Variants in ASTN2 observed in about 807,000 individuals in gnomAD.
ASTN2 encodes astrotactin-2.
In ASTN2, 54 loss-of-function variants were observed where a neutral mutation model predicts 139.8. The ratio of observed to expected loss-of-function variants is 0.39; its 90% CI spans 0.31 to 0.48. The LOEUF is 0.48. Ranked by LOEUF, ASTN2 falls within the 20% of genes least tolerant of loss-of-function variation. The pLI is 0.95. For missense variants in ASTN2, 1,565 were observed against 1,725.1 expected (o/e 0.91, Z 1.64); for synonymous variants, 756 against 719.5 (o/e 1.05, Z -0.81).
intron 20 of ASTN2, among the ~76,000 whole-genome samples, chr9:116,473,673 G>A (rs535149723): frequency 1.7e-4 from 26 of 152,164 alleles, no homozygotes; most frequent in Non-Finnish European, 3.5e-4. Context: ...CAAGGCAGAC[G>A]GATCACCTGA....
At chr9:116,505,089 C>T (rs1319644935) in intron 19 of ASTN2, among the ~76,000 whole-genome samples, 2 of 151,874 alleles carry the variant, frequency 1.3e-5, no homozygotes, top group Non-Finnish European at 2.9e-5. Flanking sequence ...TTCACATCCT[C>T]TAAAAGTGAC....
chr9:116,841,749 A>T (rs1832267614), intron 11 of ASTN2, among the ~76,000 whole-genome samples: 1 of 152,150 alleles, frequency 6.6e-6, no homozygotes, highest in Admixed American at 6.5e-5. Flanking sequence ...TTGTGAGAGG[A>T]TCCCAGGAGG....
intron 4 of ASTN2, among the ~76,000 whole-genome samples, chr9:117,106,190 C>G (rs554687514): frequency 1.6e-3 from 248 of 152,200 alleles, no homozygotes; most frequent in African/African-American, 5.6e-3. Context: ...TATGTGCCCA[C>G]TCACAATCTT....
chr9:117,241,840 T>C (rs768651769), intron 2 of ASTN2, among the ~76,000 whole-genome samples: 3 of 151,898 alleles, frequency 2.0e-5, no homozygotes, highest in African/African-American at 7.3e-5. Flanking sequence ...AGAGAACATG[T>C]GATCCTTCTA....
intron 3 of ASTN2, 81 bp downstream of exon 3, chr9:117,214,268 GCCTGTAGTC>G: frequency 6.9e-7 from 1 of 1,448,672 alleles, no homozygotes; most frequent in Non-Finnish European, 9.3e-7. Flanking sequence ...AGAAAACACT[GCCTGTAGTC>G]CCCAACTGCC....
intron 19 of ASTN2, among the ~76,000 whole-genome samples, chr9:116,573,539 A>C (rs1853607489): frequency 6.6e-6 from 1 of 152,232 alleles, no homozygotes; most frequent in Admixed American, 6.5e-5. Context: ...ATGGGACAAA[A>C]TTCTAAATTT....
intron 3 of ASTN2, among the ~76,000 whole-genome samples, chr9:117,202,639 T>C (rs1564475630): frequency 1.3e-5 from 2 of 152,190 alleles, no homozygotes; most frequent in African/African-American, 2.4e-5. Context: ...TTGAAAATTC[T>C]TTAAGAATGT....
chr9:116,624,136 G>T (rs1564162644), intron 17 of ASTN2, among the ~76,000 whole-genome samples: 1 of 152,010 alleles, frequency 6.6e-6, no homozygotes, highest in Non-Finnish European at 1.5e-5. Context: ...AAACCAAGCT[G>T]GGCAACAGGA....
At chr9:117,340,713 TA>T (rs553021885) in intron 1 of ASTN2, among the ~76,000 whole-genome samples, 9 of 152,294 alleles carry the variant, frequency 5.9e-5, no homozygotes, top group Middle Eastern at 3.4e-3. Context: ...TCAAGTGCCA[TA>T]AAAGGCACCA....
At chr9:116,432,998 G>T (rs1220095576) in intron 22 of ASTN2, among the ~76,000 whole-genome samples, 3 of 152,064 alleles carry the variant, frequency 2.0e-5, no homozygotes, top group African/African-American at 7.2e-5. Context: ...AATGCAAAGT[G>T]ACTTGAACTG....
chr9:117,266,595 T>G (rs933940035), intron 2 of ASTN2, among the ~76,000 whole-genome samples: 1 of 152,176 alleles, frequency 6.6e-6, no homozygotes, highest in African/African-American at 2.4e-5. Context: ...CCTTTTCTCC[T>G]AGATAACTAC....
At chr9:117,323,800 C>G (rs921816330) in intron 1 of ASTN2, among the ~76,000 whole-genome samples, 1 of 151,944 alleles carries the variant, frequency 6.6e-6, no homozygotes, top group African/African-American at 2.4e-5. Flanking sequence ...TATTTTAGCC[C>G]TTGTTGTAGC....
intron 1 of ASTN2, among the ~76,000 whole-genome samples, chr9:117,324,564 C>A (rs537187573): frequency 1.3e-5 from 2 of 152,290 alleles, no homozygotes; most frequent in South Asian, 4.2e-4. Flanking sequence ...GATACAGTCA[C>A]CTCCCACTGG....
intron 2 of ASTN2, among the ~76,000 whole-genome samples, chr9:117,259,996 T>A (rs1265827352): frequency 6.6e-6 from 1 of 152,150 alleles, no homozygotes; most frequent in Non-Finnish European, 1.5e-5. Context: ...AAATCTCATA[T>A]CCTTTTTTAC....
At chr9:117,155,243 TC>T (rs1830407556) in intron 3 of ASTN2, among the ~76,000 whole-genome samples, 1 of 152,052 alleles carries the variant, frequency 6.6e-6, no homozygotes, top group Admixed American at 6.6e-5. Flanking sequence ...TATAGATAAC[TC>T]CTTTCTTCTC....
rs539263901 is a variant in ASTN2, at chr9:117,089,901, A to G, written c.1276+6143T>C. On this transcript the variant is annotated intron_variant, in intron 5 of 22. Coordinates refer to ENST00000313400, the MANE Select transcript of ASTN2 (RefSeq NM_001365068.1). Reference sequence around the variant, plus strand: ...AAGTAGTATTCCATCATGTATATATACGACAGTTTCTTTATCCATTTATTG... The same window carrying G: ...AAGTAGTATTCCATCATGTATATATGCGACAGTTTCTTTATCCATTTATTG... Among the ~76,000 whole-genome samples the G allele has an allele frequency of 7.9e-5, 12 of 152,328 alleles. No individual in the cohort carries two copies. In the South Asian group the frequency reaches 1.2e-3, roughly 16 times the overall value.
At chr9:116,960,800 T>C (rs116667396) in intron 10 of ASTN2, among the ~76,000 whole-genome samples, 111 of 152,198 alleles carry the variant, frequency 7.3e-4, no homozygotes, top group African/African-American at 2.6e-3. Context: ...AACCAAAATT[T>C]CCTCCCAAAG....
intron 13 of ASTN2, among the ~76,000 whole-genome samples, chr9:116,738,152 A>G (rs1279288178): frequency 7.0e-6 from 1 of 143,080 alleles, no homozygotes; most frequent in African/African-American, 2.6e-5. Flanking sequence ...AGATCGCGCC[A>G]CTGCACTCCA....
intron 10 of ASTN2, among the ~76,000 whole-genome samples, chr9:116,966,705 T>TAA (rs199969584): frequency 0.21 from 29,722 of 142,394 alleles, 3,438 homozygotes; most frequent in Admixed American, 0.32. Context: ...TCATTTTCTT[T>TAA]AAAAAAAAAA....
Sources: allele counts gnomAD v4.1 joint callset (sites outside exome capture counted in the v4.1 genomes callset), GRCh38; gene constraint gnomAD v4.1.1; transcripts MANE v1.5; gene names NCBI Gene and HGNC (gene_info 2026-07-23, HGNC 2026-07-21).